The following CYP4A11 variants were observed in gnomAD, a reference collection of about 807,000 sequenced individuals.
CYP4A11 encodes the protein cytochrome P450 4A11.
In CYP4A11, 52 loss-of-function variants were observed where a neutral mutation model predicts 57.7. That is an observed-to-expected ratio of 0.90 (90% CI 0.72 to 1.14). The LOEUF (loss-of-function observed/expected upper bound fraction) is 1.14, where lower values mean the gene tolerates loss of function less well. Among genes scored for constraint, CYP4A11 ranks in the 50% most tolerant of loss-of-function variants. CYP4A11 has a pLI of 0.00. For synonymous variants in CYP4A11, 228 were observed against 247.1 expected (o/e 0.92, Z 0.72); for missense variants, 641 against 642.1 (o/e 1.00, Z 0.02).
intron 9 of CYP4A11, among the ~76,000 whole-genome samples, chr1:46,933,469 G>T (rs1272098973): frequency 6.6e-6 from 1 of 152,180 alleles, no homozygotes; most frequent in South Asian, 2.1e-4. Context: ...ACACAACTAG[G>T]TTATGGCAGG....
chr1:46,936,064 G>A (rs917950338), intron 4 of CYP4A11, among the ~76,000 whole-genome samples: 4 of 152,190 alleles, frequency 2.6e-5, no homozygotes, highest in Non-Finnish European at 5.9e-5. Flanking sequence ...TTGAGGGGCC[G>A]GAATGGGCAC....
chr1:46,937,075 A>G (rs1257271310), intron 3 of CYP4A11, among the ~76,000 whole-genome samples: 12 of 152,224 alleles, frequency 7.9e-5, no homozygotes, highest in Admixed American at 1.3e-4. Context: ...ATGTGAGGCC[A>G]AGGATGTCTG....
At chr1:46,940,326 G>A (rs1406858467) in intron 1 of CYP4A11, among the ~76,000 whole-genome samples, 6 of 152,190 alleles carry the variant, frequency 3.9e-5, no homozygotes, top group Admixed American at 3.3e-4. Flanking sequence ...GAAAGTTTAC[G>A]AATTTGTGTT....
At chr1:46,932,614 C>T in intron 11 of CYP4A11, 147 bp downstream of exon 11, 2 of 1,560,840 alleles carry the variant, frequency 1.3e-6, no homozygotes, top group Non-Finnish European at 1.7e-6. Flanking sequence ...GAGACGCCCA[C>T]ACCAGGTGCC....
intron 2 of CYP4A11, 35 bp from the exon 3 acceptor site, chr1:46,937,381 G>C: frequency 6.2e-7 from 1 of 1,607,752 alleles, no homozygotes; most frequent in Non-Finnish European, 8.5e-7. Context: ...AGGAAACTAG[G>C]AGTTACTAAG....
chr1:46,937,134 G>C (rs1447029628), intron 3 of CYP4A11, among the ~76,000 whole-genome samples, 168 bp downstream of exon 3: 1 of 152,160 alleles, frequency 6.6e-6, no homozygotes. Context: ...AGGAAGGTTT[G>C]TACCAGCATT....
At chr1:46,933,844 G>T in intron 9 of CYP4A11, 102 bp downstream of exon 9, 2 of 1,509,276 alleles carry the variant, frequency 1.3e-6, no homozygotes, top group South Asian at 1.3e-5. Context: ...TAGAACAAAA[G>T]GGAGACCCAG....
At chr1:46,931,208 C>A (rs899702538) in intron 11 of CYP4A11, among the ~76,000 whole-genome samples, 12 of 152,200 alleles carry the variant, frequency 7.9e-5, no homozygotes, top group African/African-American at 2.9e-4. Flanking sequence ...CTGCCTGCCA[C>A]ATCCTCAAGG....
chr1:46,933,366 G>C (rs990296140), intron 9 of CYP4A11, among the ~76,000 whole-genome samples: 2 of 152,188 alleles, frequency 1.3e-5, no homozygotes, highest in African/African-American at 4.8e-5. Context: ...AACTCACTCA[G>C]TACAACAACG....
At position 46,932,177 on chromosome 1, in the gene CYP4A11, G is replaced by A. The variant is rs535934731; in HGVS notation, c.1364+584C>T. The A allele has an allele frequency of 1.5e-3, 1,498 of 989,310 alleles. 2 individuals carry two copies. Among genetic ancestry groups the A allele is most frequent in the Non-Finnish European group, 1.7e-3 (1,445 of 831,260 alleles). 61.3% of individuals were successfully genotyped at this position (989,310 alleles called of 1,614,324 possible). A position where few individuals can be genotyped will look rare whatever the true frequency, so the allele number is the denominator to read the frequency against. ...ATTTCATTGGGCAAGACAGAAGAAT[G>A]TATGATATGACACACACTGTTGTAA... On this transcript the variant is annotated intron_variant, in intron 11 of 11. Transcript: ENST00000310638.
intron 1 of CYP4A11, 179 bp downstream of exon 1, chr1:46,941,060 C>G (rs1423049367): frequency 1.0e-6 from 1 of 964,232 alleles, no homozygotes; most frequent in African/African-American, 1.8e-5. Context: ...GGATGGGCTT[C>G]ATGGGAGAAG....
At chr1:46,933,389 C>T (rs529930569) in intron 9 of CYP4A11, among the ~76,000 whole-genome samples, 11 of 152,314 alleles carry the variant, frequency 7.2e-5, no homozygotes, top group Admixed American at 7.2e-4. Flanking sequence ...CCAAGTAAGA[C>T]ATTCTTTTGC....
chr1:46,939,469 A>G (rs1255465716), intron 1 of CYP4A11, among the ~76,000 whole-genome samples: 1 of 152,142 alleles, frequency 6.6e-6, no homozygotes, highest in African/African-American at 2.4e-5. Flanking sequence ...TTGAAGAGGG[A>G]CCTAACTCAG....
Position 46,936,680 on chromosome 1 carries a change from G to A in CYP4A11, c.494C>T (p.Ser165Phe). 6.2e-7 allele frequency: 1 copy of A among 1,610,500 alleles called. No individual in the cohort carries two copies. Among genetic ancestry groups the A allele is most frequent in the South Asian group, 1.1e-5 (1 of 90,286 alleles). ...TGGACTCACCAGCATCACTCGTACA[G>A]AGTCTGCCATGAGCCCCACATAGGG... ...LKPYVGLMAD[S>F]VRVMLDKWEE... The change falls in exon 4 of 12, where the codon TCT (serine) becomes TTT (phenylalanine). Residue 165 changes from serine to phenylalanine, a missense_variant. By Grantham distance (155) the Ser-to-Phe change is radical. Transcript: ENST00000310638.
At position 46,938,070 on chromosome 1, in the gene CYP4A11, T is replaced by C; in HGVS notation, c.263A>G (p.His88Arg). 3 of 1,614,208 alleles carry C rather than the reference T, an allele frequency of 1.9e-6. No homozygotes were observed. The highest frequency in any genetic ancestry group is 1.1e-5 in the South Asian group (1 of 91,086). ...ACGAACTTTGCCTCCCCATAGCCAA[T>C]GAGGACAGGCACTTGGGAATGTCTC... ...WVETFPSACP[H>R]WLWGGKVRVQ... Residue 88 changes from histidine (H) to arginine (R), a missense_variant, in exon 2 of 12, where the codon CAT becomes CGT. By Grantham distance (29) the His-to-Arg change is conservative. Transcript: ENST00000310638.
At chr1:46,937,151 G>GGGTGAGGGTCTTGTTAGAAGAAGGAAGT (rs2148462615) in intron 3 of CYP4A11, 151 bp downstream of exon 3, 1 of 969,490 alleles carries the variant, frequency 1.0e-6, no homozygotes, top group South Asian at 1.9e-5. Flanking sequence ...CATTAGGAAG[G>GGGTGAGGGTCTTGTTAGAAGAAGGAAGT]GGTGAGGGTC....
chr1:46,936,710 A>G lies in CYP4A11; in HGVS notation c.464T>C (p.Leu155Pro), dbSNP rs932427056. 1.9e-6 allele frequency: 3 copies of G among 1,613,670 alleles called. No homozygotes were observed. The African/African-American group carries it at 4.0e-5, about 22-fold the overall frequency. Residue 155 changes from leucine (L) to proline (P), a missense_variant, in exon 4 of 12, where the codon CTG becomes CCG. By Grantham distance (98) the Leu-to-Pro change is moderately conservative (BLOSUM62 -3). Coordinates refer to ENST00000310638, the MANE Select transcript of CYP4A11 (RefSeq NM_000778.4). ...TGCCATGAGCCCCACATAGGGCTTC[A>G]GGATGTCATAGTGGAAGGCTGGGGT... ...MLTPAFHYDILKPYVGLMADS... is the reference protein window; with the variant it reads ...MLTPAFHYDIPKPYVGLMADS...
At chr1:46,935,892 G>A (rs1371221152) in intron 4 of CYP4A11, among the ~76,000 whole-genome samples, 1 of 152,186 alleles carries the variant, frequency 6.6e-6, no homozygotes. Flanking sequence ...TCTCACAATA[G>A]CATGGATTAA....
Position 46,936,985 on chromosome 1 carries a change from C to A in CYP4A11, c.383-194G>T, listed in dbSNP as rs9333004. 1.4e-3 allele frequency among the ~76,000 whole-genome samples: 210 copies of A among 152,186 alleles called. 1 individual carries two copies. Among genetic ancestry groups the A allele is most frequent in the African/African-American group, 4.8e-3 (199 of 41,520 alleles). On this transcript the variant is annotated intron_variant, in intron 3 of 11. Coordinates refer to ENST00000310638, the MANE Select transcript of CYP4A11 (RefSeq NM_000778.4). ...GGTATATTTCAGGCATGTGAATATT[C>A]TGATTGAGCTGCTACATGCATGTGA...
Sources: allele counts gnomAD v4.1 joint callset (sites outside exome capture counted in the v4.1 genomes callset), GRCh38; gene constraint gnomAD v4.1.1; transcripts MANE v1.5; gene names NCBI Gene and HGNC (gene_info 2026-07-23, HGNC 2026-07-21).